ADSS2: variants seen among roughly 807,000 people sequenced by gnomAD.
ADSS2 encodes the protein adenylosuccinate synthetase isozyme 2.
Under a neutral mutation model 60.0 loss-of-function variants are expected in ADSS2, and 30 were observed. That is an observed-to-expected ratio of 0.50 (90% CI 0.37 to 0.68). The LOEUF is 0.68. Ranked by LOEUF, ADSS2 falls within the 30% of genes least tolerant of loss-of-function variation. The pLI, the probability that ADSS2 is intolerant of heterozygous loss-of-function variation, is 0.00. For missense variants in ADSS2, 373 were observed against 554.8 expected (o/e 0.67, Z 3.29); for synonymous variants, 187 against 193.1 (o/e 0.97, Z 0.26).
intron 2 of ADSS2, among the ~76,000 whole-genome samples, chr1:244,437,455 T>C (rs748331524): frequency 3.3e-5 from 5 of 152,166 alleles, no homozygotes; most frequent in African/African-American, 4.8e-5. Flanking sequence ...GAATGCAAAG[T>C]AATCATTCCA....
chr1:244,441,304 C>T (rs1428355611), intron 1 of ADSS2, among the ~76,000 whole-genome samples: 2 of 152,074 alleles, frequency 1.3e-5, no homozygotes, highest in South Asian at 2.1e-4. Flanking sequence ...GTGATCCGCC[C>T]GCCTCGGCCT....
chr1:244,410,022 A>C (rs1243824461), intron 12 of ADSS2, among the ~76,000 whole-genome samples: 1 of 152,222 alleles, frequency 6.6e-6, no homozygotes, highest in Non-Finnish European at 1.5e-5. Flanking sequence ...ACAGCCTCAG[A>C]AACTGCCCAC....
At chr1:244,426,876 A>G (rs1664818558) in intron 4 of ADSS2, among the ~76,000 whole-genome samples, 1 of 152,066 alleles carries the variant, frequency 6.6e-6, no homozygotes, top group Non-Finnish European at 1.5e-5. Context: ...TGCTACATCG[A>G]TTACATATTT....
chr1:244,433,428 C>G (rs1664999936), intron 3 of ADSS2, among the ~76,000 whole-genome samples: 1 of 152,112 alleles, frequency 6.6e-6, no homozygotes, highest in African/African-American at 2.4e-5. Context: ...CAGTCACATC[C>G]AAATAAAATA....
At chr1:244,437,297 T>A (rs1437625289) in intron 2 of ADSS2, among the ~76,000 whole-genome samples, 3 of 152,166 alleles carry the variant, frequency 2.0e-5, no homozygotes, top group Non-Finnish European at 4.4e-5. Flanking sequence ...CATCATTTAT[T>A]GTAAGGGTTC....
At chr1:244,428,584 G>C (rs919813784) in intron 4 of ADSS2, among the ~76,000 whole-genome samples, 1 of 151,354 alleles carries the variant, frequency 6.6e-6, no homozygotes, top group Non-Finnish European at 1.5e-5. Flanking sequence ...AGCTTCTAAA[G>C]GAACTACAAA....
At chr1:244,448,374 T>C (rs1665446096) in intron 1 of ADSS2, among the ~76,000 whole-genome samples, 1 of 152,234 alleles carries the variant, frequency 6.6e-6, no homozygotes, top group African/African-American at 2.4e-5. Flanking sequence ...ATTTTTTCAG[T>C]ATGTTTATTT....
At chr1:244,417,992 T>C (rs988262892) in intron 9 of ADSS2, among the ~76,000 whole-genome samples, 1 of 152,224 alleles carries the variant, frequency 6.6e-6, no homozygotes. Context: ...TACAGATAAC[T>C]TCCTAAAATT....
In ADSS2 at chr1:244,424,281, A is replaced by G. The variant is rs367573748; in HGVS notation, c.473+40T>C. 5.5e-5 allele frequency: 86 copies of G among 1,574,904 alleles called. No individual in the cohort carries two copies. In the Middle Eastern group the frequency reaches 1.2e-3, roughly 22 times the overall value. On this transcript the variant is annotated intron_variant, in intron 5 of 12. Coordinates refer to ENST00000366535, the MANE Select transcript of ADSS2 (RefSeq NM_001126.5). ...AGAACTAAAATATAAAGGTCTGCAT[A>G]TGCTTAAACTGTACCAAAAAAACAA...
intron 4 of ADSS2, 75 bp from the exon 5 acceptor site, chr1:244,424,462 C>T (rs1664751067): frequency 2.3e-5 from 28 of 1,213,224 alleles, no homozygotes; most frequent in Non-Finnish European, 3.1e-5. Context: ...TTTCAAATTA[C>T]TGAAGTTATA....
chr1:244,424,275 C>G (rs1664744129), intron 5 of ADSS2, 46 bp downstream of exon 5: 5 of 1,548,026 alleles, frequency 3.2e-6, no homozygotes, highest in Non-Finnish European at 4.4e-6. Context: ...ATATAAAGGT[C>G]TGCATATGCT....
intron 1 of ADSS2, among the ~76,000 whole-genome samples, chr1:244,444,507 T>A: frequency 3.1e-5 from 1 of 32,510 alleles, no homozygotes. Context: ...AGAGCGAGAC[T>A]CCATCTCAAA....
intron 9 of ADSS2, among the ~76,000 whole-genome samples, chr1:244,418,098 T>A (rs1268132009): frequency 6.6e-6 from 1 of 152,210 alleles, no homozygotes; most frequent in Non-Finnish European, 1.5e-5. Context: ...CTGAAAACCA[T>A]AAGGCAAATG....
At chr1:244,429,097 G>GTAAAATAAATATA (rs1664872031) in intron 4 of ADSS2, among the ~76,000 whole-genome samples, 1 of 152,134 alleles carries the variant, frequency 6.6e-6, no homozygotes, top group South Asian at 2.1e-4. Flanking sequence ...TAGCTGTTGG[G>GTAAAATAAATATA]TGTATACATA....
chr1:244,436,412 C>T (rs1052758595), intron 3 of ADSS2, among the ~76,000 whole-genome samples: 7 of 152,128 alleles, frequency 4.6e-5, no homozygotes, highest in African/African-American at 1.2e-4. Context: ...GGGACCTAAA[C>T]GATTCCCCTT....
chr1:244,411,502 A>G, intron 11 of ADSS2, 66 bp from the exon 12 acceptor site: 3 of 1,463,976 alleles, frequency 2.0e-6, no homozygotes, highest in Non-Finnish European at 2.8e-6. Context: ...TTTTTGATAT[A>G]TTGTAGGTTC....
chr1:244,451,733 G>T lies in ADSS2; in HGVS notation c.85C>A (p.Arg29=). The T allele has an allele frequency of 6.2e-7, 1 of 1,608,106 alleles. No homozygotes were observed. The highest frequency in any genetic ancestry group is 8.5e-7 in the Non-Finnish European group (1 of 1,177,636). Residue 29 remains arginine (R), a synonymous_variant, in exon 1 of 13, where the codon CGG becomes AGG. Transcript: ENST00000366535. This position sits in a 1 kb window ranked among gnomAD's most constrained non-coding sequence, Gnocchi z 6.6. ...GRPRARPGGN[R]VTVVLGAQWG... is the part of the protein sequence containing the mutation. ...TGCGCACCGAGCACCACCGTCACCC[G>T]GTTTCCTCCGGGCCGCGCCCTGGGG...
intron 1 of ADSS2, among the ~76,000 whole-genome samples, chr1:244,446,038 G>T (rs1339172923): frequency 1.3e-5 from 2 of 152,202 alleles, no homozygotes; most frequent in African/African-American, 2.4e-5. Context: ...GATTACAGGA[G>T]AGAGCAGCAG....
intron 1 of ADSS2, among the ~76,000 whole-genome samples, chr1:244,449,498 T>G (rs1170735249): frequency 1.3e-5 from 2 of 152,224 alleles, no homozygotes; most frequent in Non-Finnish European, 2.9e-5. Context: ...ACACACTCAC[T>G]AAGAACTTCA....
Sources: allele counts gnomAD v4.1 joint callset (sites outside exome capture counted in the v4.1 genomes callset), GRCh38; gene constraint gnomAD v4.1.1; non-coding constraint Gnocchi (gnomAD v3.1); transcripts MANE v1.5; gene names NCBI Gene and HGNC (gene_info 2026-07-23, HGNC 2026-07-21).